Variants in EXT2 observed in about 807,000 individuals in gnomAD.
EXT2 encodes exostosin glycosyltransferase 2.
Under a neutral mutation model 81.6 loss-of-function variants are expected in EXT2, and 53 were observed. That is an observed-to-expected ratio of 0.65 (90% confidence interval 0.52 to 0.82). EXT2 has a LOEUF of 0.82. Ranked by LOEUF, EXT2 falls within the 40% of genes least tolerant of loss-of-function variation. The pLI, the probability that EXT2 is intolerant of heterozygous loss-of-function variation, is 0.00. For synonymous variants in EXT2, 320 were observed against 340.0 expected (o/e 0.94, Z 0.65); for missense variants, 774 against 910.2 (o/e 0.85, Z 1.93).
intron 7 of EXT2, chr11:44,144,439 G>A (rs1371900773): frequency 1.9e-6 from 2 of 1,033,176 alleles, no homozygotes; most frequent in Non-Finnish European, 2.9e-6. Context: ...AGTGGCTCCT[G>A]CTTTAGTAAC....
At chr11:44,123,459 C>G (rs1228039627) in intron 4 of EXT2, among the ~76,000 whole-genome samples, 2 of 152,204 alleles carry the variant, frequency 1.3e-5, no homozygotes, top group Admixed American at 6.5e-5. Flanking sequence ...TCATTTCTTC[C>G]TGGAACATGC....
chr11:44,102,945 G>A (rs1292092901), intron 1 of EXT2, among the ~76,000 whole-genome samples: 2 of 151,894 alleles, frequency 1.3e-5, no homozygotes, highest in African/African-American at 4.8e-5. Context: ...CTGGTTGCAA[G>A]TCCCTGTTGC....
intron 10 of EXT2, among the ~76,000 whole-genome samples, chr11:44,216,336 G>C (rs1365592689): frequency 6.6e-6 from 1 of 152,200 alleles, no homozygotes; most frequent in Non-Finnish European, 1.5e-5. Context: ...GATCTGTAAG[G>C]TGTGATTCCG....
intron 7 of EXT2, among the ~76,000 whole-genome samples, chr11:44,134,075 G>A (rs11600984): frequency 0.26 from 39,828 of 152,238 alleles, 6,146 homozygotes; most frequent in Admixed American, 0.43. Context: ...TATTCCTGAA[G>A]GCCACCAGTG....
intron 10 of EXT2, among the ~76,000 whole-genome samples, chr11:44,207,223 A>G (rs1955594434): frequency 6.6e-6 from 1 of 152,218 alleles, no homozygotes; most frequent in African/African-American, 2.4e-5. Context: ...ATTTCAAAAG[A>G]GCATCTATAG....
intron 10 of EXT2, among the ~76,000 whole-genome samples, chr11:44,211,468 C>T (rs1955647550): frequency 6.6e-6 from 1 of 152,132 alleles, no homozygotes; most frequent in South Asian, 2.1e-4. Flanking sequence ...GAAATTTTGT[C>T]ATTTGTGACA....
chr11:44,151,455 C>A (rs1590598328), intron 7 of EXT2, among the ~76,000 whole-genome samples: 2 of 152,018 alleles, frequency 1.3e-5, no homozygotes, highest in African/African-American at 4.8e-5. Flanking sequence ...TTTTTGAAGT[C>A]ATATAGTTGA....
chr11:44,141,100 C>T (rs1954639558), intron 7 of EXT2, among the ~76,000 whole-genome samples: 5 of 152,096 alleles, frequency 3.3e-5, no homozygotes, highest in Admixed American at 3.3e-4. Flanking sequence ...CCTGCAGATA[C>T]CAGAACTCAA....
chr11:44,153,924 GT>G (rs1017208565), intron 7 of EXT2, among the ~76,000 whole-genome samples: 1 of 146,970 alleles, frequency 6.8e-6, no homozygotes, highest in African/African-American at 2.5e-5. Flanking sequence ...GGTTGTTGTT[GT>G]TTTTTTTTAG....
At chr11:44,111,966 C>A (rs1375625850) in intron 3 of EXT2, among the ~76,000 whole-genome samples, 1 of 152,208 alleles carries the variant, frequency 6.6e-6, no homozygotes, top group Non-Finnish European at 1.5e-5. Context: ...TCATGTTTAC[C>A]TGTCTCACAA....
chr11:44,184,402 C>CT (rs1052905005), intron 8 of EXT2, among the ~76,000 whole-genome samples: 8 of 151,994 alleles, frequency 5.3e-5, no homozygotes, highest in Non-Finnish European at 7.4e-5. Flanking sequence ...GTGAGAACTA[C>CT]TTTTTTTTGT....
At chr11:44,143,433 A>T (rs1954672635) in intron 7 of EXT2, among the ~76,000 whole-genome samples, 1 of 152,120 alleles carries the variant, frequency 6.6e-6, no homozygotes, top group Admixed American at 6.6e-5. Context: ...GGGGCTTGGG[A>T]CATGAATCTG....
chr11:44,139,464 G>A (rs1335299516), intron 7 of EXT2, among the ~76,000 whole-genome samples: 2 of 152,068 alleles, frequency 1.3e-5, no homozygotes, highest in African/African-American at 4.8e-5. Flanking sequence ...GAATTTAGGA[G>A]GACTGGTCAC....
intron 7 of EXT2, among the ~76,000 whole-genome samples, chr11:44,159,745 C>A (rs752006914): frequency 3.9e-5 from 6 of 152,114 alleles, no homozygotes; most frequent in Non-Finnish European, 5.9e-5. Flanking sequence ...GGGAAATAGG[C>A]CTTCAATGGT....
chr11:44,097,086 G>A lies in EXT2; in HGVS notation c.-31+1234G>A, dbSNP rs117257304. Among the ~76,000 whole-genome samples the A allele has an allele frequency of 3.9e-4, 60 of 152,302 alleles. 1 individual carries two copies. In the East Asian group the frequency reaches 0.01, roughly 25 times the overall value. ...TTCCAGTTGTGTAATATTGGGCCAGGTACTTAAACTTTCTGTTGTACTATC... is the reference window on the plus strand; with the variant it reads ...TTCCAGTTGTGTAATATTGGGCCAGATACTTAAACTTTCTGTTGTACTATC... On this transcript the variant is annotated intron_variant, in intron 1 of 13. Coordinates refer to ENST00000533608, the MANE Select transcript of EXT2 (RefSeq NM_207122.2).
Position 44,234,225 on chromosome 11 carries a change from G to C in EXT2, c.1917G>C (p.Thr639=). 6.2e-7 allele frequency: 1 copy of C among 1,614,020 alleles called. No individual in the cohort carries two copies. The highest frequency in any genetic ancestry group is 1.1e-5 in the South Asian group (1 of 91,066). The change falls in exon 12 of 14, where the codon ACG becomes ACC. Residue 639 remains threonine, a synonymous_variant. Coordinates refer to ENST00000533608, the MANE Select transcript of EXT2 (RefSeq NM_207122.2). The part of the protein sequence containing the change: ...IAMNFLVANV[T]GKAVIKVTPR... ...TGAACTTCCTGGTGGCCAACGTCAC[G>C]GGAAAAGCAGTTATCAAGGTAGGAG...
intron 7 of EXT2, among the ~76,000 whole-genome samples, chr11:44,133,725 C>T (rs1247847808): frequency 1.3e-5 from 2 of 152,084 alleles, no homozygotes; most frequent in Non-Finnish European, 2.9e-5. Context: ...ATTTTACTCT[C>T]CCTAGATGCA....
chr11:44,122,447 T>C (rs964505246), intron 4 of EXT2, among the ~76,000 whole-genome samples: 4 of 152,172 alleles, frequency 2.6e-5, no homozygotes, highest in African/African-American at 9.7e-5. Flanking sequence ...CTGCGGGTGC[T>C]CCCTGTATGT....
At chr11:44,210,760 G>A (rs1955637955) in intron 10 of EXT2, among the ~76,000 whole-genome samples, 1 of 152,176 alleles carries the variant, frequency 6.6e-6, no homozygotes, top group Non-Finnish European at 1.5e-5. Flanking sequence ...AACAAAATGT[G>A]TGCCAGATAT....
Sources: allele counts gnomAD v4.1 joint callset (sites outside exome capture counted in the v4.1 genomes callset), GRCh38; gene constraint gnomAD v4.1.1; transcripts MANE v1.5; gene names NCBI Gene and HGNC (gene_info 2026-07-23, HGNC 2026-07-21).